Variants in COPS4 observed in about 807,000 individuals in gnomAD.
The protein encoded by COPS4 is COP9 signalosome complex subunit 4.
Under a neutral mutation model 55.1 loss-of-function variants are expected in COPS4, and 8 were observed. The ratio of observed to expected loss-of-function variants is 0.15; its 90% CI spans 0.09 to 0.26. The LOEUF (loss-of-function observed/expected upper bound fraction) is 0.26. Among genes scored for constraint, COPS4 ranks in the 10% least tolerant of loss-of-function variants. COPS4 has a pLI of 1.00. For missense variants in COPS4, 248 were observed against 484.0 expected (o/e 0.51, Z 4.58); for synonymous variants, 185 against 165.7 (o/e 1.12, Z -0.90).
Position 83,055,284 on chromosome 4 carries a change from A to G in COPS4, c.411-1642A>G, listed in dbSNP as rs190198931. On this transcript the variant is annotated intron_variant, in intron 4 of 9. Coordinates refer to ENST00000264389, the MANE Select transcript of COPS4 (RefSeq NM_016129.3). ...TGTGACCACTGAGATGAAGAAGAAA[A>G]TGAAAGCCACCTATAATCTGACTAC... Among the ~76,000 whole-genome samples the G allele has an allele frequency of 1.2e-4, 19 of 152,326 alleles. No homozygotes were observed. In the East Asian group the frequency reaches 3.7e-3, roughly 29 times the overall value.
intron 6 of COPS4, 152 bp downstream of exon 6, chr4:83,057,560 C>G: frequency 3.5e-6 from 2 of 574,866 alleles, no homozygotes; most frequent in Non-Finnish European, 5.7e-6. Flanking sequence ...TGTTTAAAAA[C>G]AGAAATAAAA....
At chr4:83,037,564 A>G (rs114113447) in intron 1 of COPS4, among the ~76,000 whole-genome samples, 3 of 152,346 alleles carry the variant, frequency 2.0e-5, no homozygotes, top group African/African-American at 7.2e-5. Context: ...GCAAGAATGT[A>G]GCAGGATATT....
chr4:83,066,589 TAA>T lies in COPS4; in HGVS notation c.1002+37_1002+38del, dbSNP rs758334786. 3.7e-5 allele frequency: 37 copies of T among 999,416 alleles called. No individual in the cohort carries two copies. In the South Asian group the frequency reaches 5.7e-4, roughly 15 times the overall value. 61.9% of individuals were successfully genotyped at this position (999,416 alleles called of 1,614,324 possible). The stretch of plus-strand genomic sequence containing the variant: ...GATTCCAATACATTTAAAAAAAAGT[TAA>T]GAGATGAAACTATTAAAATAATGAG... On this transcript the variant is annotated intron_variant, in intron 8 of 9. Coordinates refer to ENST00000264389, the MANE Select transcript of COPS4 (RefSeq NM_016129.3).
chr4:83,055,140 G>T (rs1730983599), intron 4 of COPS4, among the ~76,000 whole-genome samples: 1 of 152,152 alleles, frequency 6.6e-6, no homozygotes, highest in South Asian at 2.1e-4. Flanking sequence ...CTGTGTTCTT[G>T]CCACATGGTG....
intron 7 of COPS4, 126 bp downstream of exon 7, chr4:83,063,372 A>AT: frequency 1.5e-6 from 1 of 646,492 alleles, no homozygotes; most frequent in Admixed American, 4.2e-5. Context: ...AAAAAGAGGA[A>AT]TTGTTTTTAT....
At chr4:83,064,962 A>G in intron 7 of COPS4, 1 of 392,084 alleles carries the variant, frequency 2.6e-6, no homozygotes, top group Non-Finnish European at 4.7e-6. Context: ...GCCATAGCTC[A>G]CTGCAGCCTC....
At chr4:83,057,948 A>G (rs1731057441) in intron 6 of COPS4, among the ~76,000 whole-genome samples, 1 of 151,042 alleles carries the variant, frequency 6.6e-6, no homozygotes, top group Non-Finnish European at 1.5e-5. Context: ...AAGAATAGTT[A>G]AAAGAGATAA....
At chr4:83,074,550 C>T (rs1425241618) in intron 9 of COPS4, among the ~76,000 whole-genome samples, 2 of 150,388 alleles carry the variant, frequency 1.3e-5, no homozygotes. Flanking sequence ...GCAACCTCTA[C>T]CTCCTGGGTT....
chr4:83,039,252 G>C (rs1730500881), intron 1 of COPS4, among the ~76,000 whole-genome samples: 1 of 152,242 alleles, frequency 6.6e-6, no homozygotes, highest in East Asian at 1.9e-4. Context: ...TGGCTGGCTT[G>C]TTGGCTGGGG....
chr4:83,073,283 T>C (rs1731484261), intron 9 of COPS4: 1 of 699,858 alleles, frequency 1.4e-6, no homozygotes. Context: ...AATCATACAA[T>C]ATGTGACATG....
At position 83,035,335 on chromosome 4, in the gene COPS4, G is replaced by A. The variant is rs115555386; in HGVS notation, c.74+37G>A. On this transcript the variant is annotated intron_variant, in intron 1 of 9. Coordinates refer to ENST00000264389, the MANE Select transcript of COPS4 (RefSeq NM_016129.3). The stretch of plus-strand genomic sequence containing the variant: ...CCAGGAACGCGGGAGTACAGAGGTG[G>A]GGAAAGAAAGCCACAGCCTTAATCT... The A allele has an allele frequency of 1.1e-3, 1,660 of 1,470,050 alleles. 19 individuals are homozygous for A. The African/African-American group carries it at 0.021, about 18-fold the overall frequency. 91.1% of individuals were successfully genotyped at this position (1,470,050 alleles called of 1,614,324 possible). A position where few individuals can be genotyped will look rare whatever the true frequency, so the allele number is the denominator to read the frequency against.
chr4:83,071,382 T>C (rs4693555), intron 9 of COPS4, among the ~76,000 whole-genome samples: 103,574 of 152,116 alleles, frequency 0.68, 36,242 homozygotes, highest in Admixed American at 0.78. Flanking sequence ...CAACTCTCCT[T>C]CTGGCCTTCC....
chr4:83,058,012 A>C (rs1300052087), intron 6 of COPS4, among the ~76,000 whole-genome samples: 1 of 151,690 alleles, frequency 6.6e-6, no homozygotes, highest in Non-Finnish European at 1.5e-5. Flanking sequence ...AGAATTACGC[A>C]GAGTGAAACA....
intron 4 of COPS4, among the ~76,000 whole-genome samples, chr4:83,051,855 G>A (rs1012722755): frequency 6.6e-6 from 1 of 152,206 alleles, no homozygotes; most frequent in Admixed American, 6.5e-5. Flanking sequence ...TCAACGTTAA[G>A]AGGTTGGGAC....
At chr4:83,067,104 G>A (rs527337809) in intron 8 of COPS4, among the ~76,000 whole-genome samples, 33 of 151,564 alleles carry the variant, frequency 2.2e-4, no homozygotes, top group African/African-American at 7.5e-4. Context: ...GTCTTGTTCT[G>A]TCACCCAGGC....
At position 83,068,426 on chromosome 4, in the gene COPS4, T is replaced by C. The variant is rs1382254985; in HGVS notation, c.1003-12T>C. 1 of 1,584,656 alleles carries C rather than the reference T, an allele frequency of 6.3e-7. No individual in the cohort carries two copies. Among genetic ancestry groups the C allele is most frequent in the South Asian group, 1.1e-5 (1 of 88,448 alleles). On this transcript the variant is annotated splice_polypyrimidine_tract_variant and intron_variant, in intron 8 of 9. Coordinates refer to ENST00000264389, the MANE Select transcript of COPS4 (RefSeq NM_016129.3). ...TGATAAAGTTTCTGAGAGTTTTTTT[T>C]TCCCCCAATAGGCGGAAAAGATAGC...
At chr4:83,065,862 G>A (rs1731280290) in intron 7 of COPS4, among the ~76,000 whole-genome samples, 1 of 152,176 alleles carries the variant, frequency 6.6e-6, no homozygotes, top group Non-Finnish European at 1.5e-5. Context: ...CTTGTAGAAA[G>A]AAAAGTTAAT....
In COPS4 at chr4:83,075,652, G is replaced by T; in HGVS notation, c.*222G>T. 1 of 402,992 alleles carries T rather than the reference G, an allele frequency of 2.5e-6. No individual in the cohort carries two copies. Among genetic ancestry groups the T allele is most frequent in the East Asian group, 4.0e-5 (1 of 24,752 alleles). The allele number at this position is 402,992 out of a possible 1,614,324, so 25.0% of individuals were successfully genotyped here. On this transcript the variant is annotated 3_prime_UTR_variant, in exon 10 of 10. Transcript: ENST00000264389. ...TGTATTAAGCTAACTCAGATGTTTTGAAAGCTTTTTCTTTAAACAGAGGTG... is the reference window on the plus strand; with the variant it reads ...TGTATTAAGCTAACTCAGATGTTTTTAAAGCTTTTTCTTTAAACAGAGGTG...
At chr4:83,040,839 C>T (rs1219167989) in intron 1 of COPS4, among the ~76,000 whole-genome samples, 2 of 141,408 alleles carry the variant, frequency 1.4e-5, no homozygotes, top group African/African-American at 5.2e-5. Context: ...TCTGTTAATA[C>T]CTACCTTTAC....
Sources: gnomAD v4.1 joint callset for allele counts (sites outside exome capture counted in the v4.1 genomes callset) on GRCh38, gnomAD v4.1.1 for gene constraint, MANE v1.5 for transcripts, NCBI Gene and HGNC (gene_info 2026-07-23, HGNC 2026-07-21) for gene names.